The following CCDC102B variants were observed in gnomAD, a reference collection of about 807,000 sequenced individuals.
CCDC102B encodes coiled-coil domain containing 102B.
CCDC102B carries 75 observed loss-of-function variants against 57.4 expected under a neutral mutation model. That is an observed-to-expected ratio of 1.31 (90% CI 1.08 to 1.58). The LOEUF (loss-of-function observed/expected upper bound fraction) is 1.58, where lower values mean the gene tolerates loss of function less well. Ranked by LOEUF, CCDC102B falls within the 40% of genes most tolerant of loss-of-function variation. The probability of loss-of-function intolerance (pLI) is 0.00; values close to 1 mark genes in which losing one functional copy is unlikely to be tolerated. For synonymous variants in CCDC102B, 206 were observed against 201.9 expected, an observed-to-expected ratio of 1.02 and a Z score of -0.17; for missense variants, 636 against 582.6, an observed-to-expected ratio of 1.09 and a Z score of -0.94.
chr18:68,948,595 A>G (rs563332536), intron 6 of CCDC102B, among the ~76,000 whole-genome samples: 1 of 151,976 alleles, frequency 6.6e-6, no homozygotes, highest in African/African-American at 2.4e-5. Flanking sequence ...TGGAAGACCA[A>G]TGATGGATCT....
At chr18:68,858,266 T>G (rs1395879874) in intron 4 of CCDC102B, among the ~76,000 whole-genome samples, 1 of 152,196 alleles carries the variant, frequency 6.6e-6, no homozygotes, top group Non-Finnish European at 1.5e-5. Context: ...CATACCTGCA[T>G]AGAGATTCAT....
intron 2 of CCDC102B, among the ~76,000 whole-genome samples, chr18:68,757,521 T>G (rs1315608614): frequency 6.6e-6 from 1 of 152,168 alleles, no homozygotes; most frequent in African/African-American, 2.4e-5. Flanking sequence ...AAACAGGTAA[T>G]GCTATTTAAA....
rs532604869 is a variant in CCDC102B at position 68,769,795 on chromosome 18, T to C, written c.-67+53201T>C. On this transcript the variant is annotated intron_variant, in intron 2 of 3. Coordinates refer to the CCDC102B transcript ENST00000578970. ...ATGCTAAAATCAAAAACTGAGGCTG[T>C]AGAGATAGAATGGGAACAGATTATG... Among the ~76,000 whole-genome samples the C allele has an allele frequency of 2.0e-5, 3 of 152,256 alleles. No homozygotes were observed. In the South Asian group the frequency reaches 6.2e-4, roughly 32 times the overall value.
chr18:68,911,549 G>C (rs866371300), intron 6 of CCDC102B, among the ~76,000 whole-genome samples: 2 of 149,922 alleles, frequency 1.3e-5, no homozygotes, highest in South Asian at 2.1e-4. Flanking sequence ...TCAGGAGATC[G>C]AGACCATCCT....
At chr18:68,883,360 G>C (rs2039761951) in intron 5 of CCDC102B, among the ~76,000 whole-genome samples, 1 of 151,526 alleles carries the variant, frequency 6.6e-6, no homozygotes, top group Non-Finnish European at 1.5e-5. Flanking sequence ...GCAGTGAGCC[G>C]AGATCACACC....
At chr18:68,940,864 T>C (rs1317517305) in intron 6 of CCDC102B, among the ~76,000 whole-genome samples, 1 of 151,732 alleles carries the variant, frequency 6.6e-6, no homozygotes, top group African/African-American at 2.4e-5. Context: ...TGTCAGAAAA[T>C]AGAAAGCTCA....
At chr18:69,006,196 TA>T (rs1271422465) in intron 6 of CCDC102B, among the ~76,000 whole-genome samples, 4 of 152,078 alleles carry the variant, frequency 2.6e-5, no homozygotes, top group Non-Finnish European at 5.9e-5. Context: ...ATATGAAAGT[TA>T]TAAAAGATAC....
intron 2 of CCDC102B, among the ~76,000 whole-genome samples, chr18:68,777,026 A>C (rs1486848497): frequency 1.3e-5 from 2 of 152,078 alleles, no homozygotes; most frequent in African/African-American, 4.8e-5. Context: ...TATAGGAAAT[A>C]TTTGTGATCT....
chr18:68,913,788 C>T (rs1599681715), intron 6 of CCDC102B, among the ~76,000 whole-genome samples: 1 of 152,170 alleles, frequency 6.6e-6, no homozygotes, highest in East Asian at 1.9e-4. Context: ...TTCTACTTCA[C>T]AGGCAGTTCC....
chr18:69,050,246 A>C (rs2052672257), intron 7 of CCDC102B, among the ~76,000 whole-genome samples: 1 of 152,214 alleles, frequency 6.6e-6, no homozygotes. Context: ...ACAAAATAGC[A>C]CTTCGATAAG....
chr18:68,744,740 AC>A (rs1392310602), intron 2 of CCDC102B, among the ~76,000 whole-genome samples: 1 of 152,114 alleles, frequency 6.6e-6, no homozygotes, highest in African/African-American at 2.4e-5. Flanking sequence ...TCCAGCCAAG[AC>A]CCCAGAGATG....
intron 2 of CCDC102B, among the ~76,000 whole-genome samples, chr18:68,765,271 A>C (rs2034389785): frequency 6.8e-6 from 1 of 147,610 alleles, no homozygotes; most frequent in Non-Finnish European, 1.5e-5. Context: ...GAAGGAGAGA[A>C]AGAGAAAGAA....
intron 7 of CCDC102B, among the ~76,000 whole-genome samples, chr18:69,015,663 T>C (rs569237546): frequency 1.7e-4 from 26 of 152,266 alleles, no homozygotes; most frequent in African/African-American, 6.0e-4. Flanking sequence ...TAGAATAGTA[T>C]GTACTTGGGC....
In CCDC102B at chr18:68,956,485, A is replaced by T. The variant is rs1386468108; in HGVS notation, c.1264-54449A>T. On this transcript the variant is annotated intron_variant, in intron 6 of 7. Transcript: ENST00000360242. ...TTTATATATATATTATATATATATA[A>T]TATATATATAAAATATATAATATAT... 1.2e-4 allele frequency among the ~76,000 whole-genome samples: 5 copies of T among 42,948 alleles called. 1 individual carries two copies. The highest frequency in any genetic ancestry group is 2.7e-4 in the African/African-American group (2 of 7,330). 28.2% of individuals were successfully genotyped at this position (42,948 alleles called of 152,430 possible).
rs747311626 is a variant in CCDC102B at position 68,741,196 on chromosome 18, A to G, written c.-67+24602A>G. Among the ~76,000 whole-genome samples, 80 of 152,166 alleles carry G rather than the reference A, an allele frequency of 5.3e-4. 1 individual carries two copies. Among genetic ancestry groups the G allele is most frequent in the Admixed American group, 2.0e-3 (30 of 15,270 alleles). On this transcript the variant is annotated intron_variant, in intron 2 of 3. Transcript: ENST00000578970. The stretch of plus-strand genomic sequence containing the variant: ...GAGCTTATGGCAGCTTTACTTGCAG[A>G]TGTTTTGCAGTTGCTGTCAAGGCAA...
intron 1 of CCDC102B, among the ~76,000 whole-genome samples, chr18:68,810,205 T>TGG (rs1467977582): frequency 6.6e-6 from 1 of 152,188 alleles, no homozygotes. Context: ...CCAAAAAATT[T>TGG]GGAAAGAGGT....
At chr18:68,884,476 T>G (rs1316887162) in intron 5 of CCDC102B, among the ~76,000 whole-genome samples, 4 of 151,518 alleles carry the variant, frequency 2.6e-5, no homozygotes, top group Admixed American at 6.6e-5. Flanking sequence ...TTCAAATATA[T>G]AGAGATAGAG....
intron 1 of CCDC102B, among the ~76,000 whole-genome samples, chr18:68,826,346 G>T (rs1186304783): frequency 6.6e-6 from 1 of 152,026 alleles, no homozygotes; most frequent in African/African-American, 2.4e-5. Context: ...GGGAGCTGGT[G>T]GCCAGAAGCC....
At chr18:68,859,173 C>T (rs1055886066) in intron 4 of CCDC102B, 4 of 142,478 alleles carry the variant, frequency 2.8e-5, no homozygotes, top group African/African-American at 7.8e-5. Context: ...TGATCTTTGA[C>T]AAACCTGAGA....
Sources: gnomAD v4.1 joint callset for allele counts (sites outside exome capture counted in the v4.1 genomes callset) on GRCh38, gnomAD v4.1.1 for gene constraint, MANE v1.5 for transcripts, NCBI Gene and HGNC (gene_info 2026-07-23, HGNC 2026-07-21) for gene names.